The following KCTD3 variants were observed in gnomAD, a reference collection of about 807,000 sequenced individuals.
KCTD3 encodes BTB/POZ domain-containing protein KCTD3.
Under a neutral mutation model 85.8 loss-of-function variants are expected in KCTD3, and 41 were observed. The ratio of observed to expected loss-of-function variants is 0.48; its 90% CI spans 0.37 to 0.62. The LOEUF is 0.62. KCTD3 is among the 20% of genes least tolerant of loss of function. KCTD3 has a pLI of 0.00. For synonymous variants in KCTD3, 338 were observed against 345.4 expected (o/e 0.98, Z 0.24); for missense variants, 724 against 989.9 (o/e 0.73, Z 3.60).
chr1:215,582,968 G>C (rs933235994), intron 8 of KCTD3, among the ~76,000 whole-genome samples: 1 of 152,128 alleles, frequency 6.6e-6, no homozygotes, highest in Non-Finnish European at 1.5e-5. Context: ...ATCTTATTAA[G>C]AGTTAAATTC....
At chr1:215,581,133 C>T in intron 8 of KCTD3, 1 of 285,800 alleles carries the variant, frequency 3.5e-6, no homozygotes, top group Admixed American at 4.7e-5. Context: ...GTAATCCCAG[C>T]TACTCGGGAG....
chr1:215,620,046 C>T lies in KCTD3; in HGVS notation c.1887-11C>T, dbSNP rs750100873. 5 of 1,548,518 alleles carry T rather than the reference C, an allele frequency of 3.2e-6. No individual in the cohort carries two copies. In the South Asian group the frequency reaches 6.3e-5, roughly 20 times the overall value. On this transcript the variant is annotated splice_polypyrimidine_tract_variant and intron_variant, in intron 17 of 17. Transcript: ENST00000259154. ...AAATCTGAACTGTCATTTTTAAAAA[C>T]TGTATTTCAGCCTTCAGCTTCAGCA...
At chr1:215,607,972 T>A (rs1655097713) in intron 13 of KCTD3, 45 bp from the exon 14 acceptor site, 2 of 1,537,930 alleles carry the variant, frequency 1.3e-6, no homozygotes, top group South Asian at 2.5e-5. Flanking sequence ...AAAATGAGTT[T>A]TTAAAAGTAA....
At chr1:215,570,961 C>A (rs992903685) in intron 1 of KCTD3, among the ~76,000 whole-genome samples, 1 of 152,006 alleles carries the variant, frequency 6.6e-6, no homozygotes, top group African/African-American at 2.4e-5. Flanking sequence ...GGTTTTGGGG[C>A]CAGAAGTTTA....
intron 9 of KCTD3, among the ~76,000 whole-genome samples, chr1:215,589,079 T>G (rs968176751): frequency 7.9e-5 from 12 of 152,354 alleles, no homozygotes; most frequent in African/African-American, 2.9e-4. Context: ...AAACAATTTC[T>G]GGATTAAATG....
intron 8 of KCTD3, among the ~76,000 whole-genome samples, chr1:215,585,168 G>A (rs1244308259): frequency 6.6e-6 from 1 of 152,146 alleles, no homozygotes; most frequent in Admixed American, 6.5e-5. Flanking sequence ...AGTTCATTAA[G>A]AAAGTAAAAG....
At chr1:215,581,419 C>G (rs1033900886) in intron 8 of KCTD3, among the ~76,000 whole-genome samples, 1 of 151,956 alleles carries the variant, frequency 6.6e-6, no homozygotes, top group Non-Finnish European at 1.5e-5. Flanking sequence ...AATTTATCAT[C>G]TTATATATTT....
chr1:215,611,804 C>A (rs116586790), intron 14 of KCTD3, 21 bp from the exon 15 acceptor site: 5 of 1,486,700 alleles, frequency 3.4e-6, no homozygotes, highest in Middle Eastern at 3.5e-4. Flanking sequence ...AATTTTTTGA[C>A]ATTTTTGTTT....
At chr1:215,586,806 A>G (rs1385119295) in intron 9 of KCTD3, 121 bp downstream of exon 9, 3 of 730,154 alleles carry the variant, frequency 4.1e-6, no homozygotes, top group South Asian at 4.9e-5. Context: ...CTGTCACAGT[A>G]TTTAATGTGG....
In KCTD3 at chr1:215,589,606, C is replaced by T. The variant is rs568013701; in HGVS notation, c.817+2921C>T. ...TCCCAGAAGGAAAGAAGGTGTCCAA[C>T]ATAAACTGCATTGTTTATGCAGTTA... On this transcript the variant is annotated intron_variant, in intron 9 of 17. Coordinates refer to ENST00000259154, the MANE Select transcript of KCTD3 (RefSeq NM_016121.5). Among the ~76,000 whole-genome samples the T allele has an allele frequency of 2.2e-4, 34 of 152,278 alleles. No homozygotes were observed. In the South Asian group the frequency reaches 7.0e-3, roughly 32 times the overall value.
intron 1 of KCTD3, among the ~76,000 whole-genome samples, chr1:215,573,297 C>T (rs957370339): frequency 3.9e-5 from 6 of 152,174 alleles, no homozygotes; most frequent in African/African-American, 7.2e-5. Flanking sequence ...GAAAGATGGA[C>T]GGATCTTGAA....
Position 215,567,530 on chromosome 1 carries a change from G to T in KCTD3, c.-156G>T. 6.4e-6 allele frequency: 2 copies of T among 310,422 alleles called. No individual in the cohort carries two copies. The highest frequency in any genetic ancestry group is 5.1e-5 in the Admixed American group (1 of 19,480). The allele number at this position is 310,422 out of a possible 1,614,324, so 19.2% of individuals were successfully genotyped here. On this transcript the variant is annotated 5_prime_UTR_variant, in exon 1 of 18. Transcript: ENST00000259154. Reference sequence around the variant, plus strand: ...AGAAGCTAGCGAGCCCCGCCCGGCCGCCGGGAAGGTGGGGGAAGCCCCGTG... The same window carrying T: ...AGAAGCTAGCGAGCCCCGCCCGGCCTCCGGGAAGGTGGGGGAAGCCCCGTG...
At chr1:215,574,044 A>C (rs778769269) in intron 2 of KCTD3, 29 bp from the exon 3 acceptor site, 2 of 1,542,330 alleles carry the variant, frequency 1.3e-6, no homozygotes, top group East Asian at 2.3e-5. Flanking sequence ...GATTTTAAAA[A>C]CTAACTTTAG....
At chr1:215,577,850 G>A (rs1269980910) in intron 5 of KCTD3, 122 bp downstream of exon 5, 1 of 1,346,412 alleles carries the variant, frequency 7.4e-7, no homozygotes, top group African/African-American at 1.5e-5. Context: ...TAGTTTTTGT[G>A]GATTTTCATA....
intron 8 of KCTD3, among the ~76,000 whole-genome samples, chr1:215,582,333 G>C (rs558029467): frequency 6.6e-5 from 10 of 152,092 alleles, no homozygotes; most frequent in South Asian, 4.1e-4. Context: ...AACTTGAGGT[G>C]AAGTATGTTC....
At chr1:215,568,934 A>G (rs1659259256) in intron 1 of KCTD3, among the ~76,000 whole-genome samples, 1 of 152,148 alleles carries the variant, frequency 6.6e-6, no homozygotes, top group Non-Finnish European at 1.5e-5. Context: ...TATGTCTCCT[A>G]ATGTAAGAAA....
intron 8 of KCTD3, among the ~76,000 whole-genome samples, chr1:215,581,354 G>A (rs1360942837): frequency 1.3e-5 from 2 of 152,202 alleles, no homozygotes; most frequent in African/African-American, 4.8e-5. Flanking sequence ...GGATGGTTTT[G>A]TATGAGGCAA....
At chr1:215,613,316 T>A (rs1655303278) in intron 15 of KCTD3, among the ~76,000 whole-genome samples, 1 of 152,144 alleles carries the variant, frequency 6.6e-6, no homozygotes. Context: ...TCCAGACATG[T>A]GTCTGTTCGT....
At chr1:215,595,047 T>G (rs1177895322) in intron 9 of KCTD3, among the ~76,000 whole-genome samples, 1 of 152,166 alleles carries the variant, frequency 6.6e-6, no homozygotes, top group Admixed American at 6.5e-5. Flanking sequence ...CTTTTTGTTT[T>G]GTTTTGTTTA....
Sources: allele counts gnomAD v4.1 joint callset (sites outside exome capture counted in the v4.1 genomes callset), GRCh38; gene constraint gnomAD v4.1.1; transcripts MANE v1.5; gene names NCBI Gene and HGNC (gene_info 2026-07-23, HGNC 2026-07-21).